CSMD1: variants seen among roughly 807,000 people sequenced by gnomAD.
CSMD1 encodes the protein CUB and Sushi multiple domains 1.
CSMD1 carries 213 observed loss-of-function variants against 417.5 expected under a neutral mutation model. The observed-to-expected ratio is 0.51, with a 90% confidence interval of 0.46 to 0.57. The LOEUF (loss-of-function observed/expected upper bound fraction) is 0.57. Among genes scored for constraint, CSMD1 ranks in the 20% least tolerant of loss-of-function variants. The pLI is 0.00. For synonymous variants in CSMD1, 2,862 were observed against 1,736.8 expected, an observed-to-expected ratio of 1.65 and a Z score of -16.11; for missense variants, 6,923 against 4,529.7, an observed-to-expected ratio of 1.53 and a Z score of -15.17.
intron 1 of CSMD1, among the ~76,000 whole-genome samples, chr8:4,884,956 T>C (rs757607832): frequency 6.6e-6 from 1 of 152,158 alleles, no homozygotes; most frequent in Non-Finnish European, 1.5e-5. Context: ...TGTAGCAATA[T>C]GAAATCTCCC....
chr8:4,562,947 C>A (rs1378113273), intron 2 of CSMD1, among the ~76,000 whole-genome samples: 1 of 152,072 alleles, frequency 6.6e-6, no homozygotes, highest in Non-Finnish European at 1.5e-5. Context: ...CTTTCTTAAA[C>A]AGAAGTTGTC....
intron 7 of CSMD1, among the ~76,000 whole-genome samples, chr8:3,678,831 C>T (rs1435990244): frequency 6.6e-6 from 1 of 152,178 alleles, no homozygotes; most frequent in Non-Finnish European, 1.5e-5. Flanking sequence ...AGACTAACAG[C>T]TGATCTCTCA....
chr8:3,852,955 T>G (rs1804018270), intron 5 of CSMD1, among the ~76,000 whole-genome samples: 1 of 152,188 alleles, frequency 6.6e-6, no homozygotes. Flanking sequence ...TCCATTTATT[T>G]GCACCGCTTT....
intron 4 of CSMD1, among the ~76,000 whole-genome samples, chr8:4,007,106 G>C (rs958979114): frequency 1.3e-5 from 2 of 151,774 alleles, no homozygotes; most frequent in African/African-American, 2.4e-5. Context: ...CCAAAGTTTT[G>C]GTATTACAGG....
intron 7 of CSMD1, among the ~76,000 whole-genome samples, chr8:3,636,692 G>A (rs1225775332): frequency 6.6e-6 from 1 of 152,230 alleles, no homozygotes; most frequent in East Asian, 1.9e-4. Context: ...GAGAGGTGAA[G>A]CCTGGAGCCA....
intron 1 of CSMD1, among the ~76,000 whole-genome samples, chr8:4,764,895 C>CAAACAAA (rs763804321): frequency 2.1e-3 from 63 of 30,558 alleles, no homozygotes; most frequent in African/African-American, 7.9e-3. Context: ...AAAAAAAAAA[C>CAAACAAA]AACAACAACA....
intron 5 of CSMD1, among the ~76,000 whole-genome samples, chr8:3,820,280 G>T (rs538060410): frequency 1.2e-4 from 18 of 152,286 alleles, no homozygotes; most frequent in African/African-American, 4.3e-4. Flanking sequence ...AGAAATATGT[G>T]TAGGATATGT....
intron 1 of CSMD1, among the ~76,000 whole-genome samples, chr8:4,976,442 A>G (rs56691915): frequency 0.058 from 8,794 of 152,246 alleles, 822 homozygotes; most frequent in African/African-American, 0.2. Context: ...CTTAAATACA[A>G]TTTTGACAAA....
At chr8:3,412,931 G>A (rs986786133) in intron 12 of CSMD1, among the ~76,000 whole-genome samples, 2 of 152,160 alleles carry the variant, frequency 1.3e-5, no homozygotes, top group African/African-American at 4.8e-5. Context: ...TTGGGAAGCT[G>A]GGCTGGGCGC....
Position 4,759,808 on chromosome 8 carries a change from G to C in CSMD1, c.86-122250C>G, listed in dbSNP as rs541330495. ...ATGTACCAGTTTCTTTATCCAGTGT[G>C]TCACTGATGGACATTTGGGTTGATT... On this transcript the variant is annotated intron_variant, in intron 1 of 69. Coordinates refer to ENST00000635120, the MANE Select transcript of CSMD1 (RefSeq NM_033225.6). Among the ~76,000 whole-genome samples, 64 of 152,266 alleles carry C rather than the reference G, an allele frequency of 4.2e-4. No individual in the cohort carries two copies. The South Asian group carries it at 0.013, about 30-fold the overall frequency.
chr8:3,913,827 C>G (rs569110715), intron 5 of CSMD1, among the ~76,000 whole-genome samples: 4 of 152,198 alleles, frequency 2.6e-5, no homozygotes, highest in South Asian at 2.1e-4. Flanking sequence ...AGAACCAACT[C>G]AGACGGTCTA....
rs79862807 is a variant in CSMD1 at position 3,164,146 on chromosome 8, C to T, written c.5726-1869G>A. 1.1e-3 allele frequency among the ~76,000 whole-genome samples: 166 copies of T among 152,204 alleles called. 1 individual carries two copies. In the East Asian group the frequency reaches 0.021, roughly 19 times the overall value. On this transcript the variant is annotated intron_variant, in intron 37 of 69. Coordinates refer to ENST00000635120, the MANE Select transcript of CSMD1 (RefSeq NM_033225.6). Reference sequence around the variant, plus strand: ...GAGAAGTGTCTTCATCTTACAGTACCGTGATTGTTCATTTGAGAATCCCAT... The same window carrying T: ...GAGAAGTGTCTTCATCTTACAGTACTGTGATTGTTCATTTGAGAATCCCAT...
chr8:3,804,159 C>T (rs569998944), intron 5 of CSMD1, among the ~76,000 whole-genome samples: 3 of 152,008 alleles, frequency 2.0e-5, no homozygotes, highest in South Asian at 2.1e-4. Flanking sequence ...CTCGAACTCC[C>T]GACCCCAGGT....
At chr8:4,166,297 A>G (rs966571713) in intron 3 of CSMD1, among the ~76,000 whole-genome samples, 5 of 152,208 alleles carry the variant, frequency 3.3e-5, no homozygotes, top group Non-Finnish European at 5.9e-5. Flanking sequence ...TTAATGGAAT[A>G]TTTTGTATTA....
chr8:4,903,016 TAAATAAATA>T (rs1563721276), intron 1 of CSMD1, among the ~76,000 whole-genome samples: 14 of 42,468 alleles, frequency 3.3e-4, no homozygotes, highest in Admixed American at 3.3e-3. Context: ...TAATAATAAA[TAAATAAATA>T]AATAAATAAA....
chr8:3,593,035 G>C (rs1387070214), intron 8 of CSMD1, among the ~76,000 whole-genome samples: 2 of 152,188 alleles, frequency 1.3e-5, no homozygotes, highest in East Asian at 3.9e-4. Flanking sequence ...AGGCAGGAGA[G>C]GCTGGAAGCC....
chr8:4,700,049 G>C (rs558112949), intron 1 of CSMD1, among the ~76,000 whole-genome samples: 14 of 152,266 alleles, frequency 9.2e-5, no homozygotes, highest in Admixed American at 6.5e-4. Context: ...CCATGAAGGA[G>C]AAACCACTGA....
chr8:3,075,173 G>GCTGC (rs1371675018), intron 49 of CSMD1, among the ~76,000 whole-genome samples: 2 of 152,006 alleles, frequency 1.3e-5, no homozygotes, highest in Non-Finnish European at 2.9e-5. Flanking sequence ...AGAAGCAGAT[G>GCTGC]CTGCCATACT....
rs931093166 is a variant in CSMD1 at position 4,520,009 on chromosome 8, G to C, written c.303-99944C>G. Among the ~76,000 whole-genome samples the C allele has an allele frequency of 2.0e-5, 3 of 151,582 alleles. No individual in the cohort carries two copies. The Admixed American group carries it at 2.0e-4, about 10-fold the overall frequency. On this transcript the variant is annotated intron_variant, in intron 2 of 69. Coordinates refer to ENST00000635120, the MANE Select transcript of CSMD1 (RefSeq NM_033225.6). Reference sequence around the variant, plus strand: ...AAGGTTATCAGAGAAATTATGAAGGGATATTTAGAAATAAATTAGAATAAA... The same window carrying C: ...AAGGTTATCAGAGAAATTATGAAGGCATATTTAGAAATAAATTAGAATAAA...
Sources: gnomAD v4.1 joint callset for allele counts (sites outside exome capture counted in the v4.1 genomes callset) on GRCh38, gnomAD v4.1.1 for gene constraint, MANE v1.5 for transcripts, NCBI Gene and HGNC (gene_info 2026-07-23, HGNC 2026-07-21) for gene names.